CLASP2: variants seen among roughly 807,000 people sequenced by gnomAD.
The protein encoded by CLASP2 is cytoplasmic linker associated protein 2.
Under a neutral mutation model 194.4 loss-of-function variants are expected in CLASP2, and 47 were observed. The ratio of observed to expected loss-of-function variants is 0.24; its 90% confidence interval spans 0.19 to 0.31. The LOEUF is 0.31. Ranked by LOEUF, CLASP2 falls within the 10% of genes least tolerant of loss-of-function variation. The pLI is 1.00. For missense variants in CLASP2, 1,445 were observed against 1,823.6 expected, an observed-to-expected ratio of 0.79 and a Z score of 3.78; for synonymous variants, 619 against 633.5, an observed-to-expected ratio of 0.98 and a Z score of 0.34.
intron 37 of CLASP2, among the ~76,000 whole-genome samples, chr3:33,507,089 C>A (rs1331378885): frequency 6.6e-6 from 1 of 152,062 alleles, no homozygotes; most frequent in Non-Finnish European, 1.5e-5. Flanking sequence ...CAGAGGCGCA[C>A]CACCACACCC....
At chr3:33,534,831 T>C (rs1302533294) in intron 34 of CLASP2, among the ~76,000 whole-genome samples, 1 of 152,194 alleles carries the variant, frequency 6.6e-6, no homozygotes, top group African/African-American at 2.4e-5. Context: ...AAATGTATTT[T>C]ATTAATAAAA....
At chr3:33,603,517 T>C (rs1390587922) in intron 17 of CLASP2, among the ~76,000 whole-genome samples, 1 of 152,200 alleles carries the variant, frequency 6.6e-6, no homozygotes, top group East Asian at 1.9e-4. Context: ...GAAAAACTAG[T>C]CCAGGAGTAG....
intron 21 of CLASP2, among the ~76,000 whole-genome samples, chr3:33,587,120 CT>C (rs1011961520): frequency 3.3e-5 from 5 of 151,674 alleles, no homozygotes; most frequent in Non-Finnish European, 7.4e-5. Context: ...ATCTGTGATT[CT>C]TTTTTTTCTT....
chr3:33,523,978 A>G (rs2053834387), intron 34 of CLASP2, among the ~76,000 whole-genome samples: 1 of 152,344 alleles, frequency 6.6e-6, no homozygotes, highest in East Asian at 1.9e-4. Flanking sequence ...GAAATAAGAA[A>G]TTTAAACATT....
At chr3:33,697,472 A>T (rs538848163) in intron 1 of CLASP2, among the ~76,000 whole-genome samples, 15 of 152,356 alleles carry the variant, frequency 9.8e-5, no homozygotes, top group Admixed American at 2.6e-4. Context: ...CAAGCACAAC[A>T]TTGCAACAAT....
intron 34 of CLASP2, among the ~76,000 whole-genome samples, chr3:33,518,184 C>T (rs1302136061): frequency 6.6e-6 from 1 of 152,108 alleles, no homozygotes; most frequent in Non-Finnish European, 1.5e-5. Context: ...AAGAATTGGG[C>T]CCAGTGGTTA....
intron 30 of CLASP2, 28 bp downstream of exon 30, chr3:33,551,224 A>C: frequency 6.3e-7 from 1 of 1,575,108 alleles, no homozygotes; most frequent in Non-Finnish European, 8.6e-7. Context: ...TTCCCAATTT[A>C]TCTTCTAAAC....
chr3:33,652,489 T>C (rs1290516242), intron 7 of CLASP2, among the ~76,000 whole-genome samples: 3 of 152,208 alleles, frequency 2.0e-5, no homozygotes, highest in Non-Finnish European at 4.4e-5. Flanking sequence ...ATCTCACAGG[T>C]CCCTCTAGCT....
chr3:33,641,431 A>G (rs1435966138), intron 8 of CLASP2, among the ~76,000 whole-genome samples: 2 of 151,996 alleles, frequency 1.3e-5, no homozygotes, highest in Non-Finnish European at 2.9e-5. Context: ...CGACACTTAC[A>G]TAATATGGAT....
At chr3:33,699,868 C>A in intron 1 of CLASP2, among the ~76,000 whole-genome samples, 3 of 134,524 alleles carry the variant, frequency 2.2e-5, no homozygotes, top group African/African-American at 2.8e-5. Flanking sequence ...GATTATTGTA[C>A]TACCAAAAAA....
chr3:33,674,042 A>G (rs1175209739), intron 6 of CLASP2, among the ~76,000 whole-genome samples: 2 of 152,196 alleles, frequency 1.3e-5, no homozygotes, highest in African/African-American at 4.8e-5. Flanking sequence ...AACGAGACAG[A>G]AAGTCAACAA....
At chr3:33,512,783 A>T (rs1005819062) in intron 36 of CLASP2, among the ~76,000 whole-genome samples, 1 of 151,236 alleles carries the variant, frequency 6.6e-6, no homozygotes, top group Admixed American at 6.6e-5. Flanking sequence ...AGGTCAGGAG[A>T]TCGAGACCAC....
chr3:33,522,963 C>T (rs1314239227), intron 34 of CLASP2, among the ~76,000 whole-genome samples: 4 of 152,154 alleles, frequency 2.6e-5, no homozygotes, highest in Non-Finnish European at 5.9e-5. Context: ...GTAGTCCCAG[C>T]TGCTGGGGAG....
At chr3:33,659,164 C>T in intron 7 of CLASP2, 1 of 1,386,462 alleles carries the variant, frequency 7.2e-7, no homozygotes, top group Non-Finnish European at 9.3e-7. Context: ...TACTCCACTT[C>T]AAAATAAAAG....
chr3:33,555,118 A>G (rs1411840624), intron 29 of CLASP2, among the ~76,000 whole-genome samples: 1 of 152,232 alleles, frequency 6.6e-6, no homozygotes, highest in African/African-American at 2.4e-5. Context: ...ATGAGGTAAT[A>G]CAAATGTTAA....
intron 1 of CLASP2, among the ~76,000 whole-genome samples, chr3:33,709,009 C>T (rs2092869403): frequency 6.6e-6 from 1 of 152,142 alleles, no homozygotes; most frequent in Non-Finnish European, 1.5e-5. Flanking sequence ...ATATTAAACC[C>T]TTATCAAATA....
At chr3:33,583,981 G>A (rs2066750597) in intron 22 of CLASP2, among the ~76,000 whole-genome samples, 1 of 152,034 alleles carries the variant, frequency 6.6e-6, no homozygotes, top group Non-Finnish European at 1.5e-5. Context: ...AATCCTGAAG[G>A]CCGTACAATC....
intron 29 of CLASP2, among the ~76,000 whole-genome samples, chr3:33,553,003 A>G (rs573524321): frequency 1.7e-4 from 26 of 152,348 alleles, no homozygotes; most frequent in Non-Finnish European, 3.7e-4. Context: ...CACATATTCA[A>G]TGTGAATTTG....
At chr3:33,692,762 C>T (rs1280789627) in intron 2 of CLASP2, among the ~76,000 whole-genome samples, 1 of 152,064 alleles carries the variant, frequency 6.6e-6, no homozygotes, top group Non-Finnish European at 1.5e-5. Context: ...ATTGGGTATC[C>T]AGAACAGAAT....
Sources: gnomAD v4.1 joint callset for allele counts (sites outside exome capture counted in the v4.1 genomes callset) on GRCh38, gnomAD v4.1.1 for gene constraint, MANE v1.5 for transcripts, NCBI Gene and HGNC (gene_info 2026-07-23, HGNC 2026-07-21) for gene names.